Variants in DAAM2 observed in about 807,000 individuals in gnomAD.
DAAM2 encodes dishevelled associated activator of morphogenesis 2, also known as disheveled-associated activator of morphogenesis 2.
Under a neutral mutation model 120.7 loss-of-function variants are expected in DAAM2, and 39 were observed. That is an observed-to-expected ratio of 0.32 (90% CI 0.25 to 0.42). DAAM2 has a LOEUF of 0.42. Among genes scored for constraint, DAAM2 ranks in the 10% least tolerant of loss-of-function variants. The pLI, the probability that DAAM2 is intolerant of heterozygous loss-of-function variation, is 1.00. For missense variants in DAAM2, 1,283 were observed against 1,401.7 expected (o/e 0.92, Z 1.35); for synonymous variants, 488 against 524.9 (o/e 0.93, Z 0.96).
rs73734939 is a variant in DAAM2 at position 39,868,076 on chromosome 6, T to C, written c.762+233T>C. On this transcript the variant is annotated intron_variant, in intron 6 of 24. Transcript: ENST00000274867. ...AGTTTGGCTGGGAAATGGACTTGTC[T>C]TCCTTATTAGTCAGTGGGTTCCTGG... 4,256 of 534,132 alleles carry C rather than the reference T, an allele frequency of 8.0e-3. 151 individuals carry two copies. The highest frequency in any genetic ancestry group is 0.072 in the African/African-American group (3,815 of 53,032). The allele number at this position is 534,132 out of a possible 1,614,324, so 33.1% of individuals were successfully genotyped here. A position where few individuals can be genotyped will look rare whatever the true frequency, so the allele number is the denominator to read the frequency against.
chr6:39,829,412 G>A (rs1288258246), intron 1 of DAAM2, among the ~76,000 whole-genome samples: 2 of 152,178 alleles, frequency 1.3e-5, no homozygotes, highest in African/African-American at 4.8e-5. Flanking sequence ...TGTGACTGTG[G>A]TGACCATCGA....
At chr6:39,813,707 C>G (rs1762230698) in intron 1 of DAAM2, among the ~76,000 whole-genome samples, 1 of 152,140 alleles carries the variant, frequency 6.6e-6, no homozygotes, top group African/African-American at 2.4e-5. Context: ...TTCCTCTGCC[C>G]CCTTTCCCAC....
Position 39,904,818 on chromosome 6 carries a change from T to TAA in DAAM2, c.*2782_*2783dup, listed in dbSNP as rs1038847543. 79 of 454,124 alleles carry TAA rather than the reference T, an allele frequency of 1.7e-4. No homozygotes were observed. The highest frequency in any genetic ancestry group is 6.9e-4 in the Middle Eastern group (1 of 1,444). The allele number at this position is 454,124 out of a possible 1,614,324, so 28.1% of individuals were successfully genotyped here. ...TCCTTTTTCACTTGCACCTTTTTTA[T>TAA]AAGAATATATTGTAATACTAAAAAA... On this transcript the variant is annotated 3_prime_UTR_variant, in exon 25 of 25. Transcript: ENST00000274867.
intron 8 of DAAM2, among the ~76,000 whole-genome samples, chr6:39,871,233 G>A (rs149869322): frequency 1.6e-4 from 24 of 152,288 alleles, no homozygotes; most frequent in African/African-American, 5.5e-4. Context: ...CCAAAGATAA[G>A]CGAGCCCAAA....
chr6:39,866,049 C>T (rs1188624196), intron 5 of DAAM2, among the ~76,000 whole-genome samples: 1 of 152,218 alleles, frequency 6.6e-6, no homozygotes, highest in Non-Finnish European at 1.5e-5. Flanking sequence ...TGGCGAAAAG[C>T]TAGCCATCCA....
chr6:39,840,021 G>A (rs1763262157), intron 1 of DAAM2, among the ~76,000 whole-genome samples: 1 of 152,184 alleles, frequency 6.6e-6, no homozygotes, highest in Admixed American at 6.5e-5. Flanking sequence ...GAGGCCAGGA[G>A]TTTGATACCA....
At chr6:39,886,705 C>G (rs1765396617) in intron 15 of DAAM2, 1 of 371,508 alleles carries the variant, frequency 2.7e-6, no homozygotes, top group African/African-American at 2.1e-5. Context: ...ACTGTCTTAC[C>G]CACCAGGCCA....
At chr6:39,833,903 C>T (rs1195107261) in intron 1 of DAAM2, among the ~76,000 whole-genome samples, 2 of 152,196 alleles carry the variant, frequency 1.3e-5, no homozygotes, top group Admixed American at 6.5e-5. Flanking sequence ...TCACTCAGTC[C>T]TCACCACTAC....
Position 39,904,202 on chromosome 6 carries a change from A to G in DAAM2, c.*2165A>G. 8.8e-6 allele frequency: 4 copies of G among 456,744 alleles called. 1 individual carries two copies. Among genetic ancestry groups the G allele is most frequent in the South Asian group, 6.2e-5 (4 of 64,558 alleles). 28.3% of individuals were successfully genotyped at this position (456,744 alleles called of 1,614,324 possible). On this transcript the variant is annotated 3_prime_UTR_variant, in exon 25 of 25. Coordinates refer to ENST00000274867, the MANE Select transcript of DAAM2 (RefSeq NM_001201427.2). ...TACATTTGATCTTCAGAAAAGCAGA[A>G]TTTGGTTCAACTGTTGACAGAGGAC...
chr6:39,842,880 T>A (rs1436841814), intron 1 of DAAM2, among the ~76,000 whole-genome samples: 1 of 151,800 alleles, frequency 6.6e-6, no homozygotes, highest in East Asian at 2.0e-4. Flanking sequence ...TGAGGGGTAA[T>A]GTTGAGAATC....
intron 6 of DAAM2, 73 bp from the exon 7 acceptor site, chr6:39,868,750 A>G (rs1272842303): frequency 9.2e-7 from 1 of 1,087,356 alleles, no homozygotes; most frequent in African/African-American, 1.6e-5. Flanking sequence ...AGGCGACAGG[A>G]GTAAAGATGC....
At chr6:39,842,262 T>C (rs542594620) in intron 1 of DAAM2, among the ~76,000 whole-genome samples, 2 of 152,226 alleles carry the variant, frequency 1.3e-5, no homozygotes, top group Non-Finnish European at 2.9e-5. Flanking sequence ...GAGGACCTGC[T>C]GCACACATTC....
intron 14 of DAAM2, chr6:39,879,868 G>T: frequency 2.9e-6 from 1 of 340,748 alleles, no homozygotes; most frequent in Non-Finnish European, 5.6e-6. Flanking sequence ...TCAGGACAAT[G>T]TATACAAAGG....
chr6:39,882,492 A>G (rs1765166197), intron 14 of DAAM2, among the ~76,000 whole-genome samples: 2 of 151,934 alleles, frequency 1.3e-5, no homozygotes, highest in Non-Finnish European at 2.9e-5. Context: ...TTACCTCTGC[A>G]GGCTTCTCTC....
intron 1 of DAAM2, among the ~76,000 whole-genome samples, chr6:39,852,146 G>A (rs577110938): frequency 5.8e-4 from 88 of 152,324 alleles, no homozygotes; most frequent in African/African-American, 1.6e-3. Flanking sequence ...TTTTCATGGA[G>A]AGAAAAGTGG....
intron 22 of DAAM2, 172 bp from the exon 23 acceptor site, chr6:39,899,905 G>A (rs1181446474): frequency 6.1e-6 from 4 of 657,994 alleles, no homozygotes; most frequent in Non-Finnish European, 9.7e-6. Context: ...AGGGTGGGCT[G>A]GCTGCTAATG....
intron 1 of DAAM2, among the ~76,000 whole-genome samples, chr6:39,817,086 G>A (rs537366669): frequency 1.3e-5 from 2 of 152,334 alleles, no homozygotes; most frequent in Admixed American, 1.3e-4. Flanking sequence ...TCAGCAGTGA[G>A]ATCGCACCTT....
In DAAM2 at chr6:39,902,057, A is replaced by G. The variant is rs1007618760; in HGVS notation, c.*20A>G. ...TATTGACCTGGGGAACTAGCCACACAGGAGGCCGGGAGACAGGGACTGGTG... is the reference window on the plus strand; with the variant it reads ...TATTGACCTGGGGAACTAGCCACACGGGAGGCCGGGAGACAGGGACTGGTG... On this transcript the variant is annotated 3_prime_UTR_variant, in exon 25 of 25. Coordinates refer to ENST00000274867, the MANE Select transcript of DAAM2 (RefSeq NM_001201427.2). 4 of 1,579,626 alleles carry G rather than the reference A, an allele frequency of 2.5e-6. No homozygotes were observed. Among genetic ancestry groups the G allele is most frequent in the Non-Finnish European group, 3.5e-6 (4 of 1,156,480 alleles).
chr6:39,878,459 G>C lies in DAAM2; in HGVS notation c.1416G>C (p.Lys472Asn). ...GGAAGGAGCGGGAATGCGAGACAAA[G>C]ACATTGGAGAAGGAAGAGATGATGC... is the stretch of plus-strand genomic sequence containing the variant. ...LERKERECET[K>N]TLEKEEMMRT... is the part of the protein sequence containing the mutation. Residue 472 changes from lysine to asparagine, a missense_variant, in exon 13 of 25, where the codon AAG (lysine) becomes AAC (asparagine). Transcript: ENST00000274867. This position sits in a 1 kb window ranked among gnomAD's most constrained non-coding sequence, Gnocchi z 5.0. 1 of 1,611,576 alleles carries C rather than the reference G, an allele frequency of 6.2e-7. No homozygotes were observed. Among genetic ancestry groups the C allele is most frequent in the East Asian group, 2.2e-5 (1 of 44,814 alleles).
Sources: gnomAD v4.1 joint callset for allele counts (sites outside exome capture counted in the v4.1 genomes callset) on GRCh38, gnomAD v4.1.1 for gene constraint, Gnocchi (gnomAD v3.1) non-coding constraint, MANE v1.5 for transcripts, NCBI Gene and HGNC (gene_info 2026-07-23, HGNC 2026-07-21) for gene names.